CEP295: variants seen among roughly 807,000 people sequenced by gnomAD.
CEP295 encodes centrosomal protein of 295 kDa.
In CEP295, 190 loss-of-function variants were observed where a neutral mutation model predicts 291.6. The ratio of observed to expected loss-of-function variants is 0.65; its 90% CI spans 0.58 to 0.73. The LOEUF is 0.73. Among genes scored for constraint, CEP295 ranks in the 30% least tolerant of loss-of-function variants. CEP295 has a pLI of 0.00. For missense variants in CEP295, 2,863 were observed against 2,949.4 expected, an observed-to-expected ratio of 0.97 and a Z score of 0.68; for synonymous variants, 993 against 1,038.8, an observed-to-expected ratio of 0.96 and a Z score of 0.85.
intron 23 of CEP295, 79 bp downstream of exon 23, chr11:93,725,910 C>G: frequency 7.9e-7 from 1 of 1,268,328 alleles, no homozygotes; most frequent in Non-Finnish European, 1.1e-6. Flanking sequence ...AGCCTAGCAC[C>G]TCTTGGTTTG....
intron 5 of CEP295, among the ~76,000 whole-genome samples, chr11:93,673,814 T>TA (rs749029313): frequency 3.5e-4 from 53 of 152,186 alleles, no homozygotes; most frequent in Admixed American, 1.8e-3. Flanking sequence ...ACAATGCTAA[T>TA]ACTGGGCTCT....
Position 93,727,486 on chromosome 11 carries a change from C to G in CEP295, c.7010C>G (p.Pro2337Arg). 6.4e-7 allele frequency: 1 copy of G among 1,551,890 alleles called. No individual in the cohort carries two copies. The highest frequency in any genetic ancestry group is 2.4e-5 in the East Asian group (1 of 40,886). Reference sequence around the variant, plus strand: ...GAGATGGGAACTTCAATTCAGGCACCATATTCCTTAACTACTCAAAATGAA... The same window carrying G: ...GAGATGGGAACTTCAATTCAGGCACGATATTCCTTAACTACTCAAAATGAA... The part of the protein sequence containing the change: ...TVEMGTSIQA[P>R]YSLTTQNEKY... Residue 2337 changes from proline to arginine, a missense_variant, in exon 24 of 30, where the codon CCA becomes CGA. By Grantham distance (103) the Pro-to-Arg change is moderately radical. Coordinates refer to ENST00000325212, the MANE Select transcript of CEP295 (RefSeq NM_033395.2).
intron 1 of CEP295, among the ~76,000 whole-genome samples, chr11:93,663,440 A>G (rs1950076738): frequency 6.6e-6 from 1 of 152,228 alleles, no homozygotes; most frequent in Non-Finnish European, 1.5e-5. Context: ...TTTAGATGAC[A>G]CACAGTTACA....
Position 93,696,987 on chromosome 11 carries a change from C to G in CEP295, c.2075C>G (p.Thr692Arg). The G allele has an allele frequency of 6.4e-7, 1 of 1,551,622 alleles. No homozygotes were observed. The highest frequency in any genetic ancestry group is 8.7e-7 in the Non-Finnish European group (1 of 1,146,912). The change falls in exon 15 of 30, where the codon ACA becomes AGA. Residue 692 changes from threonine to arginine, a missense_variant. Coordinates refer to ENST00000325212, the MANE Select transcript of CEP295 (RefSeq NM_033395.2). ...FPQRQVETTE[T>R]LRASDILTNQ... Reference sequence around the variant, plus strand: ...CAAAGACAGGTGGAAACAACAGAAACATTACGCGCTTCAGATATTTTAACC... The same window carrying G: ...CAAAGACAGGTGGAAACAACAGAAAGATTACGCGCTTCAGATATTTTAACC...
chr11:93,723,082 A>ACC lies in CEP295; in HGVS notation c.5990_5991dup (p.Thr1998ProfsTer11). 1.3e-6 allele frequency: 2 copies of ACC among 1,551,168 alleles called. No individual in the cohort carries two copies. On this transcript the variant is annotated frameshift_variant, in exon 21 of 30. Coordinates refer to ENST00000325212, the MANE Select transcript of CEP295 (RefSeq NM_033395.2). LOFTEE classifies it high-confidence loss of function. Reference sequence around the variant, plus strand: ...CATGGATGATAGCAAGCAAGAATCTACCACCAGTAAAGAAGAGGAAACAAA... The same window carrying ACC: ...CATGGATGATAGCAAGCAAGAATCTACCCCACCAGTAAAGAAGAGGAAACAAA...
chr11:93,721,890 T>A, intron 19 of CEP295, 64 bp from the exon 20 acceptor site: 1 of 1,074,332 alleles, frequency 9.3e-7, no homozygotes, highest in Non-Finnish European at 1.4e-6. Context: ...CTGGGGTTGG[T>A]GATTTGGGGT....
intron 3 of CEP295, among the ~76,000 whole-genome samples, chr11:93,668,063 C>T (rs1285714407): frequency 6.6e-6 from 1 of 152,106 alleles, no homozygotes; most frequent in Admixed American, 6.6e-5. Flanking sequence ...TTCCAGTACT[C>T]CTCTATCTGG....
In CEP295 at chr11:93,699,068, A is replaced by G; in HGVS notation, c.4156A>G (p.Arg1386Gly). Residue 1386 changes from arginine (R) to glycine (G), a missense_variant, in exon 15 of 30, where the codon AGA becomes GGA. Arg to Gly is a moderately radical substitution (Grantham distance 125, BLOSUM62 -2). Coordinates refer to ENST00000325212, the MANE Select transcript of CEP295 (RefSeq NM_033395.2). ...TTTACATCAGAGTGAATGGGAGGGAAGAATATCTCCCGAGCAGGTTGACAC... is the reference window on the plus strand; with the variant it reads ...TTTACATCAGAGTGAATGGGAGGGAGGAATATCTCCCGAGCAGGTTGACAC... ...LLLHQSEWEG[R>G]ISPEQVDTSS... 6.5e-7 allele frequency: 1 copy of G among 1,546,444 alleles called. No individual in the cohort carries two copies. The highest frequency in any genetic ancestry group is 8.7e-7 in the Non-Finnish European group (1 of 1,147,058).
chr11:93,689,858 A>ATT, intron 10 of CEP295, among the ~76,000 whole-genome samples: 1 of 152,358 alleles, frequency 6.6e-6, no homozygotes, highest in East Asian at 1.9e-4. Flanking sequence ...TGAATAATTT[A>ATT]AAGCAAGAGA....
chr11:93,663,101 G>C (rs1390811074), intron 1 of CEP295, among the ~76,000 whole-genome samples: 1 of 152,200 alleles, frequency 6.6e-6, no homozygotes, highest in Admixed American at 6.5e-5. Flanking sequence ...TGACAACTTT[G>C]ACATGAGAAT....
chr11:93,673,943 T>TCC (rs34110461), intron 5 of CEP295, among the ~76,000 whole-genome samples: 3 of 150,194 alleles, frequency 2.0e-5, no homozygotes, highest in East Asian at 3.9e-4. Context: ...ATTTTCTTAA[T>TCC]CCCCCCTTCT....
chr11:93,667,382 T>G (rs1182240940), intron 2 of CEP295, among the ~76,000 whole-genome samples: 1 of 152,208 alleles, frequency 6.6e-6, no homozygotes, highest in African/African-American at 2.4e-5. Context: ...GGGCGCTGAA[T>G]AAAAGCTATC....
intron 17 of CEP295, among the ~76,000 whole-genome samples, chr11:93,706,047 C>T (rs998341057): frequency 7.9e-5 from 12 of 152,156 alleles, no homozygotes; most frequent in African/African-American, 2.9e-4. Context: ...CTTTCTGTGC[C>T]TGATCCCCTG....
Position 93,675,644 on chromosome 11 carries a change from A to C in CEP295, c.602A>C (p.Asn201Thr). 3 of 1,497,706 alleles carry C rather than the reference A, an allele frequency of 2.0e-6. No homozygotes were observed. Among genetic ancestry groups the C allele is most frequent in the Non-Finnish European group, 1.8e-6 (2 of 1,120,110 alleles). 92.8% of individuals were successfully genotyped at this position (1,497,706 alleles called of 1,614,324 possible). A position where few individuals can be genotyped will look rare whatever the true frequency, so the allele number is the denominator to read the frequency against. The change falls in exon 6 of 30, where the codon AAT becomes ACT. Residue 201 changes from asparagine (N) to threonine (T), a missense_variant. Physicochemically the swap from Asn to Thr is moderately conservative, Grantham distance 65. Coordinates refer to ENST00000325212, the MANE Select transcript of CEP295 (RefSeq NM_033395.2). ...STYHHLHTFV[N>T]RETDTKRPDA... ...TACCATCATCTTCACACTTTTGTGA[A>C]TAGAGAGACAGACACAAAACGGGTG...
At chr11:93,680,973 A>G (rs1284265997) in intron 7 of CEP295, among the ~76,000 whole-genome samples, 1 of 152,224 alleles carries the variant, frequency 6.6e-6, no homozygotes, top group Non-Finnish European at 1.5e-5. Context: ...TAGCTTTCAT[A>G]AACTAGGAGT....
In CEP295 at chr11:93,722,090, G is replaced by A. The variant is rs552091919; in HGVS notation, c.5947+40G>A. 13 of 1,209,628 alleles carry A rather than the reference G, an allele frequency of 1.1e-5. 1 individual carries two copies. The highest frequency in any genetic ancestry group is 6.5e-5 in the South Asian group (5 of 76,768). The allele number at this position is 1,209,628 out of a possible 1,614,324, so 74.9% of individuals were successfully genotyped here. A position where few individuals can be genotyped will look rare whatever the true frequency, so the allele number is the denominator to read the frequency against. ...ATGTTTATAAATAAGTTGAAAGACC[G>A]GCACCAGTTGAGTTGCAATACAGTG... is the stretch of plus-strand genomic sequence containing the variant. On this transcript the variant is annotated intron_variant, in intron 20 of 29. Transcript: ENST00000325212.
intron 18 of CEP295, among the ~76,000 whole-genome samples, chr11:93,720,911 A>G (rs1035305459): frequency 1.3e-5 from 2 of 151,916 alleles, no homozygotes; most frequent in Non-Finnish European, 2.9e-5. Context: ...TGTTTTCTTT[A>G]TTGTCTCTTT....
chr11:93,699,449 G>C lies in CEP295; in HGVS notation c.4537G>C (p.Asp1513His). The C allele has an allele frequency of 6.4e-7, 1 of 1,551,738 alleles. No individual in the cohort carries two copies. Among genetic ancestry groups the C allele is most frequent in the Non-Finnish European group, 8.7e-7 (1 of 1,146,994 alleles). The change falls in exon 15 of 30, where the codon GAT (aspartate) becomes CAT (histidine). Residue 1513 changes from aspartate to histidine, a missense_variant. Physicochemically the swap from Asp to His is moderately conservative, Grantham distance 81 (BLOSUM62 -1). Coordinates refer to ENST00000325212, the MANE Select transcript of CEP295 (RefSeq NM_033395.2). ...GDLQALQQQL[D>H]TQKKAIRSIQ... is the part of the protein sequence containing the mutation. ...TTTGCAGGCACTTCAACAGCAGTTA[G>C]ATACACAGAAGAAAGCCATTCGATC...
chr11:93,729,230 T>G, intron 25 of CEP295: 1 of 597,144 alleles, frequency 1.7e-6, no homozygotes, highest in East Asian at 2.8e-5. Flanking sequence ...CTAAGCCCAG[T>G]TCAAGACCAG....
Sources: allele counts gnomAD v4.1 joint callset (sites outside exome capture counted in the v4.1 genomes callset), GRCh38; gene constraint gnomAD v4.1.1; transcripts MANE v1.5; gene names NCBI Gene and HGNC (gene_info 2026-07-23, HGNC 2026-07-21).